Variants in ATRN observed in about 807,000 individuals in gnomAD.
ATRN encodes attractin-2.
ATRN carries 54 observed loss-of-function variants against 178.7 expected under a neutral mutation model. The observed-to-expected ratio is 0.30, with a 90% CI of 0.24 to 0.38. The LOEUF is 0.38. ATRN is among the 10% of genes least tolerant of loss of function. The pLI is 1.00. For synonymous variants in ATRN, 636 were observed against 663.0 expected, an observed-to-expected ratio of 0.96 and a Z score of 0.63; for missense variants, 1,443 against 1,815.1, an observed-to-expected ratio of 0.79 and a Z score of 3.73.
rs1443484218 is a variant in ATRN, at chr20:3,565,352, T to G, written c.1791T>G (p.Cys597Trp). 1 of 1,613,872 alleles carries G rather than the reference T, an allele frequency of 6.2e-7. No individual in the cohort carries two copies. The highest frequency in any genetic ancestry group is 1.7e-5 in the Admixed American group (1 of 60,022). ...ATATATTTTTCTTTCTCCTAGCCTG[T>G]GACCGCTGGTCAGTGCTTCCCAGAC... is the stretch of plus-strand genomic sequence containing the variant. ...SSDFMAYDIA[C>W]DRWSVLPRPD... is the part of the protein sequence containing the mutation. Residue 597 changes from cysteine to tryptophan, a missense_variant, in exon 11 of 29, where the codon TGT becomes TGG. Around this residue, in one of 4 missense-constraint regions of ATRN, gnomAD observed 862 missense variants for 972.1 expected, o/e 0.89. Transcript: ENST00000262919.
chr20:3,565,603 T>G (rs1333581229), intron 11 of ATRN, among the ~76,000 whole-genome samples, 171 bp downstream of exon 11: 1 of 151,986 alleles, frequency 6.6e-6, no homozygotes, highest in Non-Finnish European at 1.5e-5. Context: ...CCATCTCTAC[T>G]AAAAGTACAA....
intron 25 of ATRN, among the ~76,000 whole-genome samples, chr20:3,625,084 CAAAA>C (rs911481829): frequency 1.3e-5 from 2 of 152,038 alleles, no homozygotes; most frequent in Admixed American, 6.6e-5. Context: ...TTGAAAAAGA[CAAAA>C]AACGTGCTGC....
At chr20:3,499,365 C>G (rs1369495990) in intron 1 of ATRN, among the ~76,000 whole-genome samples, 1 of 136,076 alleles carries the variant, frequency 7.3e-6, no homozygotes, top group East Asian at 2.0e-4. Context: ...AAAAAGAGCC[C>G]GCATCGCCAA....
intron 1 of ATRN, among the ~76,000 whole-genome samples, chr20:3,476,366 C>T (rs1438129842): frequency 2.0e-5 from 3 of 152,186 alleles, no homozygotes; most frequent in East Asian, 1.9e-4. Context: ...TACCATTTGG[C>T]GTCTCATTTT....
chr20:3,503,321 C>G lies in ATRN; in HGVS notation c.410+31804C>G, dbSNP rs150984007. On this transcript the variant is annotated intron_variant, in intron 1 of 28. Coordinates refer to ENST00000262919, the MANE Select transcript of ATRN (RefSeq NM_139321.3). ...AGACAAAATGTTCATGATATAATAG[C>G]AAATCACTTGTCATACCATCAACAA... is the stretch of plus-strand genomic sequence containing the variant. 5.9e-3 allele frequency among the ~76,000 whole-genome samples: 896 copies of G among 152,172 alleles called. 9 individuals carry two copies. Among genetic ancestry groups the G allele is most frequent in the African/African-American group, 0.021 (867 of 41,520 alleles).
At chr20:3,639,232 T>C (rs1027454435) in intron 27 of ATRN, among the ~76,000 whole-genome samples, 5 of 151,360 alleles carry the variant, frequency 3.3e-5, no homozygotes, top group Admixed American at 1.3e-4. Context: ...AAGAGCTACA[T>C]TGAACATCGA....
chr20:3,598,919 G>C (rs770014706), intron 22 of ATRN, among the ~76,000 whole-genome samples: 9 of 152,142 alleles, frequency 5.9e-5, no homozygotes, highest in South Asian at 2.1e-4. Flanking sequence ...GTAAGACAAA[G>C]TATATTGCTT....
chr20:3,621,235 G>A (rs940676766), intron 24 of ATRN, among the ~76,000 whole-genome samples: 1 of 152,172 alleles, frequency 6.6e-6, no homozygotes, highest in African/African-American at 2.4e-5. Flanking sequence ...AGCCAGAAAG[G>A]ACAGGGAGGA....
At chr20:3,490,941 A>G (rs1381021687) in intron 1 of ATRN, 5 of 1,494,668 alleles carry the variant, frequency 3.3e-6, no homozygotes, top group Non-Finnish European at 3.7e-6. Flanking sequence ...CTCTTTGGCC[A>G]TGACGTCCAT....
At chr20:3,626,525 C>T (rs1042498628) in intron 25 of ATRN, among the ~76,000 whole-genome samples, 3 of 152,034 alleles carry the variant, frequency 2.0e-5, no homozygotes, top group Non-Finnish European at 4.4e-5. Context: ...TCTTGTTCAC[C>T]CAGAACACTT....
At chr20:3,628,914 C>T (rs1202214755) in intron 25 of ATRN, 2 of 985,144 alleles carry the variant, frequency 2.0e-6, no homozygotes, top group Non-Finnish European at 2.4e-6. Flanking sequence ...TGACCCTGGC[C>T]GTCTTCTCAC....
At chr20:3,475,781 T>C (rs950377353) in intron 1 of ATRN, among the ~76,000 whole-genome samples, 13 of 152,216 alleles carry the variant, frequency 8.5e-5, no homozygotes, top group African/African-American at 2.9e-4. Flanking sequence ...TGTTAAGATG[T>C]ACCTTCTGTA....
chr20:3,540,978 C>T (rs1257690403), intron 3 of ATRN, among the ~76,000 whole-genome samples: 7 of 151,408 alleles, frequency 4.6e-5, no homozygotes, highest in Admixed American at 3.9e-4. Flanking sequence ...GGGTGTTTTA[C>T]TTTTGATTAG....
intron 14 of ATRN, among the ~76,000 whole-genome samples, chr20:3,577,402 T>G (rs1238576538): frequency 6.6e-6 from 1 of 152,182 alleles, no homozygotes; most frequent in Non-Finnish European, 1.5e-5. Context: ...TAATGGGCCT[T>G]CTCTGAGAAG....
At chr20:3,525,221 C>G (rs143103615) in intron 1 of ATRN, among the ~76,000 whole-genome samples, 1 of 152,100 alleles carries the variant, frequency 6.6e-6, no homozygotes, top group African/African-American at 2.4e-5. Flanking sequence ...GGGGATATCA[C>G]CACTGATCCC....
chr20:3,568,289 CAA>C (rs753556911), intron 11 of ATRN, among the ~76,000 whole-genome samples: 44 of 118,306 alleles, frequency 3.7e-4, no homozygotes, highest in Non-Finnish European at 3.1e-4. Context: ...GAGACTGTGT[CAA>C]AAAAAAAAAA....
chr20:3,492,854 G>GAGAGGCGC (rs1555807888), intron 1 of ATRN, among the ~76,000 whole-genome samples: 3 of 132,432 alleles, frequency 2.3e-5, no homozygotes, highest in Non-Finnish European at 3.2e-5. Flanking sequence ...GAGAGAGAGA[G>GAGAGGCGC]GCGCGCGCGC....
chr20:3,570,689 G>A (rs1206064548), intron 11 of ATRN, among the ~76,000 whole-genome samples: 1 of 152,016 alleles, frequency 6.6e-6, no homozygotes, highest in South Asian at 2.1e-4. Flanking sequence ...TACTACCCTC[G>A]TTTTCTTTTC....
intron 1 of ATRN, among the ~76,000 whole-genome samples, chr20:3,502,465 C>T (rs898806060): frequency 6.6e-6 from 1 of 152,122 alleles, no homozygotes; most frequent in Non-Finnish European, 1.5e-5. Context: ...CCACCTAGAC[C>T]CGGTGTTTCC....
Sources: allele counts gnomAD v4.1 joint callset (sites outside exome capture counted in the v4.1 genomes callset), GRCh38; gene constraint gnomAD v4.1.1; regional missense constraint gnomAD v4.1.1; transcripts MANE v1.5; gene names NCBI Gene and HGNC (gene_info 2026-07-23, HGNC 2026-07-21).